Variants in RPS6KA5 observed in about 807,000 individuals in gnomAD.
RPS6KA5 encodes ribosomal protein S6 kinase alpha-5.
In RPS6KA5, 27 loss-of-function variants were observed where a neutral mutation model predicts 85.5. The ratio of observed to expected loss-of-function variants is 0.32; its 90% confidence interval spans 0.23 to 0.44. The LOEUF (loss-of-function observed/expected upper bound fraction) is 0.44. Ranked by LOEUF, RPS6KA5 falls within the 20% of genes least tolerant of loss-of-function variation. The pLI, the probability that RPS6KA5 is intolerant of heterozygous loss-of-function variation, is 1.00. For synonymous variants in RPS6KA5, 334 were observed against 348.2 expected (o/e 0.96, Z 0.46); for missense variants, 811 against 980.9 (o/e 0.83, Z 2.31).
At chr14:91,047,325 A>T (rs1262521520) in intron 1 of RPS6KA5, among the ~76,000 whole-genome samples, 4 of 152,154 alleles carry the variant, frequency 2.6e-5, no homozygotes, top group Non-Finnish European at 5.9e-5. Flanking sequence ...CTGAGATTTG[A>T]CACTTTCTAA....
chr14:90,911,139 T>C (rs987221412), intron 7 of RPS6KA5, among the ~76,000 whole-genome samples: 4 of 151,434 alleles, frequency 2.6e-5, no homozygotes, highest in African/African-American at 9.8e-5. Context: ...TATTTGTCTA[T>C]TATTTATCTC....
Position 90,978,319 on chromosome 14 carries a change from A to C in RPS6KA5, c.381T>G (p.Leu127=), listed in dbSNP as rs199516088. The C allele has an allele frequency of 1.0e-4, 164 of 1,599,200 alleles. No individual in the cohort carries two copies. The Middle Eastern group carries it at 1.3e-3, about 13-fold the overall frequency. Residue 127 remains leucine (L), a synonymous_variant, in exon 3 of 17, where the codon CTT becomes CTG. Coordinates refer to ENST00000614987, the MANE Select transcript of RPS6KA5 (RefSeq NM_004755.4). The part of the protein sequence containing the change: ...LHYAFQTETK[L]HLILDYINGG... ...ACTGACACTTACCTAAAATGAGATG[A>C]AGTTTGGTTTCTGTCTGGAAAGCAT...
chr14:90,902,421 G>T (rs1267307407), intron 9 of RPS6KA5, among the ~76,000 whole-genome samples: 1 of 152,164 alleles, frequency 6.6e-6, no homozygotes, highest in Non-Finnish European at 1.5e-5. Context: ...GGAGTCTGAG[G>T]CTGCAGTGAG....
At chr14:90,898,257 G>A (rs2034952596) in intron 12 of RPS6KA5, among the ~76,000 whole-genome samples, 1 of 152,134 alleles carries the variant, frequency 6.6e-6, no homozygotes, top group Non-Finnish European at 1.5e-5. Context: ...CCTATGGTAA[G>A]GACTGAATAA....
At chr14:90,924,479 G>C (rs1301391981) in intron 5 of RPS6KA5, among the ~76,000 whole-genome samples, 2 of 152,104 alleles carry the variant, frequency 1.3e-5, no homozygotes, top group Non-Finnish European at 2.9e-5. Flanking sequence ...CTCTGATAGG[G>C]GCAGGAAAGA....
intron 1 of RPS6KA5, among the ~76,000 whole-genome samples, chr14:91,017,621 T>A (rs1324196372): frequency 6.6e-6 from 1 of 152,140 alleles, no homozygotes; most frequent in Non-Finnish European, 1.5e-5. Context: ...TGAATCAGCA[T>A]CCAGTAAATA....
intron 1 of RPS6KA5, among the ~76,000 whole-genome samples, chr14:91,050,113 G>C (rs562984640): frequency 6.6e-6 from 1 of 152,248 alleles, no homozygotes; most frequent in Non-Finnish European, 1.5e-5. Context: ...TTCTTACTGG[G>C]CTGCCTATAA....
intron 1 of RPS6KA5, among the ~76,000 whole-genome samples, chr14:91,050,221 T>G (rs184558500): frequency 1.3e-5 from 2 of 151,718 alleles, no homozygotes; most frequent in Admixed American, 1.3e-4. Flanking sequence ...CTACAAAAAA[T>G]AAAAAGAAAA....
rs2032733557 is a variant in RPS6KA5 at position 90,864,870 on chromosome 14, A to G, written c.*7204T>C. On this transcript the variant is annotated 3_prime_UTR_variant, in exon 17 of 17. Transcript: ENST00000614987. ...GTTAAAACCACAATCAAATATACAC[A>G]TTTGTCAGAGTGGCTAAACTACTAG... is the stretch of plus-strand genomic sequence containing the variant. The G allele has an allele frequency of 6.6e-6, 1 of 152,216 alleles. No homozygotes were observed. The highest frequency in any genetic ancestry group is 6.5e-5 in the Admixed American group (1 of 15,282). The allele number at this position is 152,216 out of a possible 1,614,324, so 9.4% of individuals were successfully genotyped here. A position where few individuals can be genotyped will look rare whatever the true frequency, so the allele number is the denominator to read the frequency against.
chr14:91,051,841 G>A (rs143670595), intron 1 of RPS6KA5, among the ~76,000 whole-genome samples: 3 of 151,814 alleles, frequency 2.0e-5, no homozygotes, highest in Non-Finnish European at 4.4e-5. Context: ...AGGAATAGAA[G>A]AGAACTTTGT....
In RPS6KA5 at chr14:90,864,895, G is replaced by A. The variant is rs1032367170; in HGVS notation, c.*7179C>T. 6.6e-5 allele frequency: 10 copies of A among 152,242 alleles called. No homozygotes were observed. The highest frequency in any genetic ancestry group is 2.9e-5 in the Non-Finnish European group (2 of 68,048). The allele number at this position is 152,242 out of a possible 1,614,324, so 9.4% of individuals were successfully genotyped here. On this transcript the variant is annotated 3_prime_UTR_variant, in exon 17 of 17. Transcript: ENST00000614987. ...ATTTGTCAGAGTGGCTAAACTACTA[G>A]GGCTGATGGTACCAAGCACTGATGA...
chr14:90,898,796 A>AG (rs1353704859), intron 12 of RPS6KA5, among the ~76,000 whole-genome samples: 1 of 152,240 alleles, frequency 6.6e-6, no homozygotes, highest in Non-Finnish European at 1.5e-5. Context: ...AGAGCAGAAG[A>AG]GGGGGCAGCA....
intron 1 of RPS6KA5, among the ~76,000 whole-genome samples, chr14:91,034,052 T>A (rs564439161): frequency 6.6e-6 from 1 of 152,152 alleles, no homozygotes; most frequent in African/African-American, 2.4e-5. Flanking sequence ...ATGCCTGTAT[T>A]CTCAACACTT....
At chr14:90,985,234 C>T (rs969035240) in intron 2 of RPS6KA5, among the ~76,000 whole-genome samples, 5 of 152,172 alleles carry the variant, frequency 3.3e-5, no homozygotes, top group South Asian at 2.1e-4. Flanking sequence ...TGAGCCACTG[C>T]GCCCGGCCGC....
chr14:90,858,385 G>GGAATGCTACATTTTCTA lies in RPS6KA5; in HGVS notation c.*13672_*13688dup, dbSNP rs1203287978. The GGAATGCTACATTTTCTA allele has an allele frequency of 6.6e-6, 1 of 152,020 alleles. No homozygotes were observed. The highest frequency in any genetic ancestry group is 1.9e-4 in the East Asian group (1 of 5,198). The allele number at this position is 152,020 out of a possible 1,614,324, so 9.4% of individuals were successfully genotyped here. ...GAGAATGATGTTAACATCACGTGTA[G>GGAATGCTACATTTTCTA]GAATGCTACATTTTCTAGGATTCGA... On this transcript the variant is annotated 3_prime_UTR_variant, in exon 17 of 17. Transcript: ENST00000614987.
At chr14:91,059,664 C>T (rs988969436) in intron 1 of RPS6KA5, among the ~76,000 whole-genome samples, 3 of 152,234 alleles carry the variant, frequency 2.0e-5, no homozygotes, top group African/African-American at 4.8e-5. Context: ...GTTCCTTTTA[C>T]CTGGAGCTTT....
chr14:90,961,567 T>A (rs1356303051), intron 3 of RPS6KA5, among the ~76,000 whole-genome samples: 3 of 152,212 alleles, frequency 2.0e-5, no homozygotes, highest in Admixed American at 6.5e-5. Context: ...ATATATCTTA[T>A]ATAATTTTGC....
intron 13 of RPS6KA5, chr14:90,894,192 A>G: frequency 8.5e-7 from 1 of 1,183,078 alleles, no homozygotes; most frequent in Non-Finnish European, 1.0e-6. Flanking sequence ...TTACAAATAT[A>G]ACCTCAAGAT....
intron 1 of RPS6KA5, among the ~76,000 whole-genome samples, chr14:91,032,348 C>G (rs1336773037): frequency 1.3e-5 from 2 of 152,236 alleles, no homozygotes; most frequent in Admixed American, 6.5e-5. Flanking sequence ...CTCCAGACTC[C>G]CTGTTATGCA....
Sources: gnomAD v4.1 joint callset for allele counts (sites outside exome capture counted in the v4.1 genomes callset) on GRCh38, gnomAD v4.1.1 for gene constraint, MANE v1.5 for transcripts, NCBI Gene and HGNC (gene_info 2026-07-23, HGNC 2026-07-21) for gene names.